The following ZNF93 variants were observed in gnomAD, a reference collection of about 807,000 sequenced individuals.
ZNF93 encodes the protein zinc finger protein 93.
ZNF93 carries 29 observed loss-of-function variants against 45.0 expected under a neutral mutation model. The ratio of observed to expected loss-of-function variants is 0.64; its 90% CI spans 0.48 to 0.88. ZNF93 has a LOEUF of 0.88. Ranked by LOEUF, ZNF93 falls within the 40% of genes least tolerant of loss-of-function variation. The pLI is 0.00. For missense variants in ZNF93, 578 were observed against 724.0 expected, an observed-to-expected ratio of 0.80 and a Z score of 2.31; for synonymous variants, 223 against 244.6, an observed-to-expected ratio of 0.91 and a Z score of 0.82.
In ZNF93 at chr19:19,934,754, A is replaced by C. The variant is rs143747887; in HGVS notation, c.1799A>C (p.Lys600Thr). The change falls in exon 4 of 4, where the codon AAA becomes ACA. Residue 600 changes from lysine (K) to threonine (T), a missense_variant. Transcript: ENST00000343769. ...CCATACGAGTGTGATAAATGTGGCA[A>C]AGCCTTTATTTCACCCTCAAGCCTT... Reference protein sequence around the residue: ...EKPYECDKCGKAFISPSSLSR... With the variant: ...EKPYECDKCGTAFISPSSLSR... The C allele has an allele frequency of 2.2e-4, 348 of 1,610,826 alleles. 1 individual carries two copies. In the African/African-American group the frequency reaches 4.0e-3, roughly 18 times the overall value.
rs992332943 is a variant in ZNF93 at position 19,934,906 on chromosome 19, A to G, written c.*88A>G. 11 of 1,395,858 alleles carry G rather than the reference A, an allele frequency of 7.9e-6. No homozygotes were observed. Among genetic ancestry groups the G allele is most frequent in the Middle Eastern group, 1.9e-4 (1 of 5,364 alleles). The allele number at this position is 1,395,858 out of a possible 1,614,324, so 86.5% of individuals were successfully genotyped here. ...CTGAACTTACTCTGTAACCATCCCAAACTCCTCCCAGGCACAGTCTGGCAG... is the reference window on the plus strand; with the variant it reads ...CTGAACTTACTCTGTAACCATCCCAGACTCCTCCCAGGCACAGTCTGGCAG... On this transcript the variant is annotated 3_prime_UTR_variant, in exon 4 of 4. Coordinates refer to ENST00000343769, the MANE Select transcript of ZNF93 (RefSeq NM_031218.4).
chr19:19,934,067 G>GT lies in ZNF93; in HGVS notation c.1113dup (p.Glu372Ter). ...CATATGGGAAAGAAACATTACAAATGTGAAGAATGTGGCAAAGCCTTCATT... is the reference window on the plus strand; with the variant it reads ...CATATGGGAAAGAAACATTACAAATGTTGAAGAATGTGGCAAAGCCTTCATT... On this transcript the variant is annotated frameshift_variant, in exon 4 of 4. Coordinates refer to ENST00000343769, the MANE Select transcript of ZNF93 (RefSeq NM_031218.4). LOFTEE classifies it high-confidence loss of function. 1 of 1,612,904 alleles carries GT rather than the reference G, an allele frequency of 6.2e-7. No homozygotes were observed. Among genetic ancestry groups the GT allele is most frequent in the South Asian group, 1.1e-5 (1 of 90,942 alleles).
intron 1 of ZNF93, 147 bp downstream of exon 1, chr19:19,901,238 AGCCATAAGATGGCGGCTGC>A (rs2063269684): frequency 7.4e-7 from 1 of 1,353,508 alleles, no homozygotes; most frequent in Admixed American, 1.9e-5. Context: ...GGTTCCCTTC[AGCCATAAGATGGCGGCTGC>A]GCTTATAGCG....
At chr19:19,921,943 A>G (rs1003963929) in intron 3 of ZNF93, among the ~76,000 whole-genome samples, 3 of 152,152 alleles carry the variant, frequency 2.0e-5, no homozygotes, top group African/African-American at 7.2e-5. Flanking sequence ...GCCCATTGAC[A>G]TTTAAGGTTA....
chr19:19,905,047 C>T (rs1205135884), intron 1 of ZNF93, among the ~76,000 whole-genome samples: 2 of 152,210 alleles, frequency 1.3e-5, no homozygotes, highest in Non-Finnish European at 2.9e-5. Context: ...GCAGCAGCAA[C>T]CTGTTTTCTC....
chr19:19,908,438 CT>C (rs895238799), intron 1 of ZNF93: 19 of 152,286 alleles, frequency 1.2e-4, no homozygotes, highest in African/African-American at 4.1e-4. Context: ...TAGCTGTGCA[CT>C]TTGGGTGTTT....
In ZNF93 at chr19:19,934,159, T is replaced by C. The variant is rs2063385013; in HGVS notation, c.1204T>C (p.Cys402Arg). The change falls in exon 4 of 4, where the codon TGT becomes CGT. Residue 402 changes from cysteine (C) to arginine (R), a missense_variant. Physicochemically the swap from Cys to Arg is radical, Grantham distance 180. Coordinates refer to ENST00000343769, the MANE Select transcript of ZNF93 (RefSeq NM_031218.4). Reference protein sequence around the residue: ...TGEKPYKCEECGKAFKYSSTL... With the variant: ...TGEKPYKCEERGKAFKYSSTL... Reference sequence around the variant, plus strand: ...AGAGAAGCCCTACAAATGTGAAGAATGTGGCAAAGCCTTTAAGTACTCCTC... The same window carrying C: ...AGAGAAGCCCTACAAATGTGAAGAACGTGGCAAAGCCTTTAAGTACTCCTC... 1.2e-6 allele frequency: 2 copies of C among 1,611,566 alleles called. No homozygotes were observed. Among genetic ancestry groups the C allele is most frequent in the East Asian group, 2.3e-5 (1 of 44,382 alleles).
intron 1 of ZNF93, among the ~76,000 whole-genome samples, chr19:19,902,933 G>C (rs1353938570): frequency 6.6e-6 from 1 of 151,520 alleles, no homozygotes; most frequent in Non-Finnish European, 1.5e-5. Flanking sequence ...TAGAGACGGG[G>C]TTTCACCGTG....
chr19:19,932,016 C>T, intron 3 of ZNF93: 1 of 368,658 alleles, frequency 2.7e-6, no homozygotes, highest in South Asian at 1.9e-5. Flanking sequence ...AGGTGCACGC[C>T]TGTTATCCCA....
chr19:19,902,786 G>A (rs1046901358), intron 1 of ZNF93, among the ~76,000 whole-genome samples: 2 of 150,992 alleles, frequency 1.3e-5, no homozygotes, highest in East Asian at 2.0e-4. Context: ...GCCCAGGCTG[G>A]AGTGCAGTGG....
intron 3 of ZNF93, among the ~76,000 whole-genome samples, chr19:19,931,741 G>A (rs2063374993): frequency 6.6e-6 from 1 of 152,018 alleles, no homozygotes; most frequent in Admixed American, 6.6e-5. Flanking sequence ...TGTGTTTCTA[G>A]TAGTTATATT....
At chr19:19,921,715 T>G (rs2063342957) in intron 3 of ZNF93, among the ~76,000 whole-genome samples, 2 of 151,992 alleles carry the variant, frequency 1.3e-5, no homozygotes, top group African/African-American at 4.8e-5. Flanking sequence ...CTTTGTCTCT[T>G]TTGATCTTTG....
At chr19:19,922,337 TTG>T (rs2063344472) in intron 3 of ZNF93, among the ~76,000 whole-genome samples, 1 of 152,240 alleles carries the variant, frequency 6.6e-6, no homozygotes, top group African/African-American at 2.4e-5. Context: ...GGGCTTCCCT[TTG>T]TGGGTAACCT....
chr19:19,927,444 A>C, intron 3 of ZNF93: 1 of 358,912 alleles, frequency 2.8e-6, no homozygotes, highest in Non-Finnish European at 4.9e-6. Flanking sequence ...TGTAAAACTT[A>C]AATTCAATGT....
At chr19:19,915,697 C>T in intron 2 of ZNF93, among the ~76,000 whole-genome samples, 1 of 152,066 alleles carries the variant, frequency 6.6e-6, no homozygotes. Flanking sequence ...AAAAAATTAG[C>T]CAGGCGTTGT....
chr19:19,919,465 A>G (rs2063336210), intron 3 of ZNF93, among the ~76,000 whole-genome samples: 1 of 128,150 alleles, frequency 7.8e-6, no homozygotes, highest in Non-Finnish European at 1.5e-5. Context: ...TGAACTTTAA[A>G]GTAGTTTTTT....
At position 19,906,150 on chromosome 19, in the gene ZNF93, G is replaced by A. The variant is rs184635514; in HGVS notation, c.3+5059G>A. Among the ~76,000 whole-genome samples the A allele has an allele frequency of 1.1e-4, 17 of 151,854 alleles. No individual in the cohort carries two copies. In the East Asian group the frequency reaches 3.1e-3, roughly 28 times the overall value. On this transcript the variant is annotated intron_variant, in intron 1 of 3. Coordinates refer to ENST00000343769, the MANE Select transcript of ZNF93 (RefSeq NM_031218.4). Reference sequence around the variant, plus strand: ...GAACTAATTTACACTCCCACCAGCGGAGTATAAGCATCTCCTTTCTCCTTT... The same window carrying A: ...GAACTAATTTACACTCCCACCAGCGAAGTATAAGCATCTCCTTTCTCCTTT...
intron 1 of ZNF93, among the ~76,000 whole-genome samples, chr19:19,914,423 T>C (rs1343388803): frequency 6.6e-6 from 1 of 152,226 alleles, no homozygotes; most frequent in African/African-American, 2.4e-5. Context: ...CTGATGTTTC[T>C]TTATGGTTAA....
chr19:19,930,775 A>G (rs2063371558), intron 3 of ZNF93, among the ~76,000 whole-genome samples: 1 of 152,196 alleles, frequency 6.6e-6, no homozygotes, highest in African/African-American at 2.4e-5. Context: ...CCAACTAATG[A>G]TTAATGATAT....
Sources: allele counts gnomAD v4.1 joint callset (sites outside exome capture counted in the v4.1 genomes callset), GRCh38; gene constraint gnomAD v4.1.1; transcripts MANE v1.5; gene names NCBI Gene and HGNC (gene_info 2026-07-23, HGNC 2026-07-21).